Variants in MASP1 observed in about 807,000 individuals in gnomAD.
MASP1 encodes mannan-binding lectin serine protease 1.
MASP1 carries 59 observed loss-of-function variants against 77.1 expected under a neutral mutation model. The ratio of observed to expected loss-of-function variants is 0.77; its 90% confidence interval spans 0.62 to 0.95. The LOEUF is 0.95. MASP1 is among the 40% of genes least tolerant of loss of function. The pLI is 0.00. For synonymous variants in MASP1, 362 were observed against 354.5 expected, an observed-to-expected ratio of 1.02 and a Z score of -0.24; for missense variants, 885 against 912.9, an observed-to-expected ratio of 0.97 and a Z score of 0.39.
chr3:187,225,472 C>G lies in MASP1; in HGVS notation c.1593G>C (p.Gln531His), dbSNP rs367972361. ...GAGTGGTGTGTTTGACGCCGAGATG[C>G]TGTTCATTTTCATCTGACCGGAGCC... The change falls in exon 13 of 16, where the codon CAG becomes CAC. Residue 531 changes from glutamine to histidine, a missense_variant. Coordinates refer to the MASP1 transcript ENST00000337774. 5.6e-5 allele frequency: 91 copies of G among 1,614,032 alleles called. No individual in the cohort carries two copies. Among genetic ancestry groups the G allele is most frequent in the Non-Finnish European group, 7.4e-5 (87 of 1,180,036 alleles).
chr3:187,288,566 G>C (rs564412148), intron 1 of MASP1, among the ~76,000 whole-genome samples: 1 of 152,368 alleles, frequency 6.6e-6, no homozygotes, highest in South Asian at 2.1e-4. Context: ...GGATGGGGAA[G>C]TATTTTGTTA....
At chr3:187,237,639 C>A (rs1320412367) in intron 10 of MASP1, among the ~76,000 whole-genome samples, 1 of 152,260 alleles carries the variant, frequency 6.6e-6, no homozygotes, top group African/African-American at 2.4e-5. Context: ...CATGCACCAC[C>A]AGCCTCCTGT....
At chr3:187,276,499 A>G (rs1175348757) in intron 2 of MASP1, 2 of 152,192 alleles carry the variant, frequency 1.3e-5, no homozygotes, top group South Asian at 2.1e-4. Context: ...GCTCTTCACC[A>G]AGGTGTTTTC....
At chr3:187,262,972 C>T (rs1715725140) in intron 2 of MASP1, 2 of 479,236 alleles carry the variant, frequency 4.2e-6, no homozygotes, top group South Asian at 2.8e-5. Flanking sequence ...CTGTCAATAA[C>T]CAAGCAGCTT....
Position 187,262,728 on chromosome 3 carries a change from G to A in MASP1, c.238-8C>T. ...CTGGTCCTCAGTTTCTACCTTTGAG[G>A]TCAAAGAGAAAGGGAACAAGATGAG... On this transcript the variant is annotated splice_polypyrimidine_tract_variant and splice_region_variant and intron_variant, in intron 2 of 10. Transcript: ENST00000296280. 2 of 1,613,828 alleles carry A rather than the reference G, an allele frequency of 1.2e-6. No homozygotes were observed. The highest frequency in any genetic ancestry group is 1.7e-6 in the Non-Finnish European group (2 of 1,179,758).
At chr3:187,230,843 A>T (rs1712727831), downstream of MASP1, among the ~76,000 whole-genome samples, 1 of 152,348 alleles carries the variant, frequency 6.6e-6, no homozygotes, top group African/African-American at 2.4e-5. Context: ...CCTGACTCCC[A>T]ATTCTGGGCT....
At chr3:187,223,556 C>T (rs148966632) in intron 13 of MASP1, among the ~76,000 whole-genome samples, 2 of 152,280 alleles carry the variant, frequency 1.3e-5, no homozygotes, top group East Asian at 1.9e-4. Flanking sequence ...TCAAGAACAG[C>T]GAATAAATAA....
chr3:187,238,019 G>T (rs1713318394), intron 10 of MASP1, among the ~76,000 whole-genome samples: 1 of 152,182 alleles, frequency 6.6e-6, no homozygotes, highest in African/African-American at 2.4e-5. Flanking sequence ...CTGTGGCCTG[G>T]CCTTTCAAAG....
At chr3:187,220,133 C>T (rs918079387) in exon 16 of MASP1, 17 of 1,614,198 alleles carry the variant, frequency 1.1e-5, no homozygotes, top group Non-Finnish European at 1.4e-5. Flanking sequence ...TAAGAGTATA[C>T]TCCGTAGCGG....
chr3:187,275,289 C>T (rs1198980351), intron 2 of MASP1, among the ~76,000 whole-genome samples: 1 of 152,314 alleles, frequency 6.6e-6, no homozygotes, highest in South Asian at 2.1e-4. Context: ...ACAGAAGGGG[C>T]CGCCTTGGGC....
intron 11 of MASP1, among the ~76,000 whole-genome samples, chr3:187,228,733 G>C (rs144610536): frequency 6.6e-6 from 1 of 152,042 alleles, no homozygotes; most frequent in African/African-American, 2.4e-5. Flanking sequence ...CCTCAGCCCT[G>C]TCTGGCCCTA....
chr3:187,282,184 G>T (rs746019298), intron 2 of MASP1, among the ~76,000 whole-genome samples: 2 of 152,158 alleles, frequency 1.3e-5, no homozygotes, highest in Non-Finnish European at 2.9e-5. Context: ...TCTTCTCTAC[G>T]TTGGGCCTAA....
intron 11 of MASP1, among the ~76,000 whole-genome samples, chr3:187,228,526 A>T (rs1712570962): frequency 6.7e-6 from 1 of 150,214 alleles, no homozygotes; most frequent in Admixed American, 6.6e-5. Flanking sequence ...GCCCGCCAGT[A>T]CCTCCTCCTC....
At chr3:187,220,371 A>G (rs979424943) in intron 15 of MASP1, 2 of 961,228 alleles carry the variant, frequency 2.1e-6, no homozygotes, top group African/African-American at 3.2e-5. Context: ...AGGGCATAGC[A>G]GACCGTTGGA....
At chr3:187,271,719 CATGGT>C (rs1716535701) in intron 2 of MASP1, among the ~76,000 whole-genome samples, 1 of 152,078 alleles carries the variant, frequency 6.6e-6, no homozygotes, top group African/African-American at 2.4e-5. Context: ...GCTTCCACCC[CATGGT>C]ATAAAATTGG....
Position 187,235,207 on chromosome 3 carries a change from A to C in MASP1, c.*477T>G. ...CTTCTCCTAGAGGAAGGATTAGGCCAAGGCTAGTCCCAGAAGGCAGAGCAG... is the reference window on the plus strand; with the variant it reads ...CTTCTCCTAGAGGAAGGATTAGGCCCAGGCTAGTCCCAGAAGGCAGAGCAG... On this transcript the variant is annotated 3_prime_UTR_variant, in exon 11 of 11. Coordinates refer to ENST00000296280, the MANE Select transcript of MASP1 (RefSeq NM_139125.4). 1 of 1,288,552 alleles carries C rather than the reference A, an allele frequency of 7.8e-7. No individual in the cohort carries two copies. Among genetic ancestry groups the C allele is most frequent in the Non-Finnish European group, 1.0e-6 (1 of 989,616 alleles). 79.8% of individuals were successfully genotyped at this position (1,288,552 alleles called of 1,614,324 possible). A position where few individuals can be genotyped will look rare whatever the true frequency, so the allele number is the denominator to read the frequency against.
In MASP1 at chr3:187,236,405, G is replaced by A. The variant is rs747651002; in HGVS notation, c.1466C>T (p.Ala489Val). 27 of 1,614,096 alleles carry A rather than the reference G, an allele frequency of 1.7e-5. 1 individual carries two copies. The Admixed American group carries it at 2.2e-4, about 13-fold the overall frequency. The change falls in exon 11 of 11, where the codon GCG (alanine) becomes GTG (valine). Residue 489 changes from alanine to valine, a missense_variant. Ala to Val is a moderately conservative substitution (Grantham distance 64). Coordinates refer to ENST00000296280, the MANE Select transcript of MASP1 (RefSeq NM_139125.4). ...KWFGSGALLS[A>V]SWILTAAHVL... ...ATGAGCTGCTGTGAGGATCCAGGAC[G>A]CAGAGAGCAGGGCCCCACTCCCAAA...
intron 2 of MASP1, among the ~76,000 whole-genome samples, chr3:187,264,146 C>T (rs767126298): frequency 1.1e-4 from 17 of 152,184 alleles, no homozygotes; most frequent in Admixed American, 2.6e-4. Flanking sequence ...TGTTTTGAAA[C>T]TAATGGTTTA....
chr3:187,241,571 A>G lies in MASP1; in HGVS notation c.1229-16T>C. On this transcript the variant is annotated splice_polypyrimidine_tract_variant and intron_variant, in intron 9 of 10. Transcript: ENST00000296280. ...GTATATATACCTGGATTAGTGAAAG[A>G]GGTTAGGAGAGGAGGGAGAAAATGG... The G allele has an allele frequency of 6.5e-7, 1 of 1,542,474 alleles. No homozygotes were observed. The highest frequency in any genetic ancestry group is 9.0e-7 in the Non-Finnish European group (1 of 1,114,630).
Sources: allele counts gnomAD v4.1 joint callset (sites outside exome capture counted in the v4.1 genomes callset), GRCh38; gene constraint gnomAD v4.1.1; transcripts MANE v1.5; gene names NCBI Gene and HGNC (gene_info 2026-07-23, HGNC 2026-07-21).